Variants in ADAMTS19 observed in about 807,000 individuals in gnomAD.
ADAMTS19 encodes the protein ADAM metallopeptidase with thrombospondin type 1 motif 19, also known as A disintegrin and metalloproteinase with thrombospondin motifs 19.
ADAMTS19 carries 93 observed loss-of-function variants against 153.3 expected under a neutral mutation model. That is an observed-to-expected ratio of 0.61 (90% CI 0.51 to 0.72). The LOEUF is 0.72. Among genes scored for constraint, ADAMTS19 ranks in the 30% least tolerant of loss-of-function variants. ADAMTS19 has a pLI of 0.00. For missense variants in ADAMTS19, 1,482 were observed against 1,552.1 expected (o/e 0.95, Z 0.76); for synonymous variants, 600 against 556.6 (o/e 1.08, Z -1.10).
chr5:129,684,420 G>C (rs1561647892), intron 18 of ADAMTS19, 147 bp downstream of exon 18: 2 of 1,013,374 alleles, frequency 2.0e-6, no homozygotes, highest in Non-Finnish European at 1.4e-6. Context: ...GATATGTTTA[G>C]TGGCTAAACA....
chr5:129,701,510 G>T lies in ADAMTS19; in HGVS notation c.3077G>T (p.Cys1026Phe). Residue 1026 changes from cysteine to phenylalanine, a missense_variant, in exon 20 of 23, where the codon TGC becomes TTC. Physicochemically the swap from Cys to Phe is radical, Grantham distance 205 (BLOSUM62 -2). Around this residue, in one of 2 missense-constraint regions of ADAMTS19, gnomAD observed 616 missense variants for 724.4 expected, o/e 0.85. Transcript: ENST00000274487. ...GTLIRARERDCIGPKPASAQR... is the reference protein window; with the variant it reads ...GTLIRARERDFIGPKPASAQR... ...CTGATTAGAGCCCGAGAGAGGGACT[G>T]CATTGGGCCCAAGCCCGCCTCTGCC... is the stretch of plus-strand genomic sequence containing the variant. 2 of 1,614,194 alleles carry T rather than the reference G, an allele frequency of 1.2e-6. No individual in the cohort carries two copies. Among genetic ancestry groups the T allele is most frequent in the Non-Finnish European group, 1.7e-6 (2 of 1,180,028 alleles).
intron 16 of ADAMTS19, among the ~76,000 whole-genome samples, chr5:129,667,160 TCTC>T (rs1420832529): frequency 6.6e-6 from 1 of 152,086 alleles, no homozygotes; most frequent in African/African-American, 2.4e-5. Context: ...ACTGTTGACT[TCTC>T]CTCATTTCAT....
chr5:129,520,012 C>T (rs1751742300), intron 3 of ADAMTS19, among the ~76,000 whole-genome samples: 1 of 152,108 alleles, frequency 6.6e-6, no homozygotes, highest in African/African-American at 2.4e-5. Flanking sequence ...GGATCCCATC[C>T]AGATGCACTA....
chr5:129,598,063 T>A (rs912185395), intron 8 of ADAMTS19, among the ~76,000 whole-genome samples: 2 of 152,178 alleles, frequency 1.3e-5, no homozygotes, highest in Non-Finnish European at 2.9e-5. Flanking sequence ...GGAGGTGATC[T>A]TTATGGAGGG....
At chr5:129,594,490 G>A (rs1382613069) in intron 7 of ADAMTS19, among the ~76,000 whole-genome samples, 1 of 152,098 alleles carries the variant, frequency 6.6e-6, no homozygotes, top group Non-Finnish European at 1.5e-5. Flanking sequence ...ATTTTGGGGG[G>A]ACGTTTAATC....
At chr5:129,680,573 A>G in intron 17 of ADAMTS19, among the ~76,000 whole-genome samples, 1 of 152,052 alleles carries the variant, frequency 6.6e-6, no homozygotes, top group East Asian at 1.9e-4. Context: ...CCTGACCAAC[A>G]CGCTGAAACT....
chr5:129,518,500 A>G (rs1751687365), intron 3 of ADAMTS19, among the ~76,000 whole-genome samples: 2 of 152,024 alleles, frequency 1.3e-5, no homozygotes, highest in South Asian at 4.1e-4. Context: ...TTTTTACTTC[A>G]GCACAGTACA....
chr5:129,623,784 G>A (rs1183820737), intron 10 of ADAMTS19, among the ~76,000 whole-genome samples: 3 of 151,984 alleles, frequency 2.0e-5, no homozygotes, highest in Non-Finnish European at 2.9e-5. Flanking sequence ...GAATTAAAAT[G>A]AGTGAATGTA....
chr5:129,483,211 A>C (rs1189313092), intron 2 of ADAMTS19, among the ~76,000 whole-genome samples: 1 of 152,146 alleles, frequency 6.6e-6, no homozygotes, highest in African/African-American at 2.4e-5. Flanking sequence ...TTCCTATGTA[A>C]CTTCCTTTTT....
intron 10 of ADAMTS19, among the ~76,000 whole-genome samples, chr5:129,629,989 T>G (rs1189256764): frequency 1.3e-5 from 2 of 152,142 alleles, no homozygotes; most frequent in East Asian, 3.9e-4. Context: ...AGATCCTGTC[T>G]TTGTGAACTA....
chr5:129,623,470 G>A lies in ADAMTS19; in HGVS notation c.1770+1122G>A, dbSNP rs555409235. 5.3e-5 allele frequency among the ~76,000 whole-genome samples: 8 copies of A among 152,242 alleles called. No individual in the cohort carries two copies. The South Asian group carries it at 1.7e-3, about 32-fold the overall frequency. ...GCTGAAACATAGCCTATTTTACCCAGCCACAGTTTCTGTGAATGCCTCAAA... is the reference window on the plus strand; with the variant it reads ...GCTGAAACATAGCCTATTTTACCCAACCACAGTTTCTGTGAATGCCTCAAA... On this transcript the variant is annotated intron_variant, in intron 10 of 22. Transcript: ENST00000274487.
At chr5:129,498,869 A>G (rs1002167236) in intron 2 of ADAMTS19, among the ~76,000 whole-genome samples, 8 of 133,980 alleles carry the variant, frequency 6.0e-5, no homozygotes, top group African/African-American at 1.1e-4. Flanking sequence ...TCTTAAGTGT[A>G]TTTTTCTGAA....
chr5:129,569,347 C>A (rs1332606649), intron 7 of ADAMTS19, among the ~76,000 whole-genome samples: 1 of 151,998 alleles, frequency 6.6e-6, no homozygotes, highest in Non-Finnish European at 1.5e-5. Flanking sequence ...CAAAAACTGA[C>A]AAACTAACAG....
intron 8 of ADAMTS19, among the ~76,000 whole-genome samples, chr5:129,614,847 A>G (rs1751430324): frequency 6.6e-6 from 1 of 152,220 alleles, no homozygotes; most frequent in African/African-American, 2.4e-5. Context: ...GTCTCAGGAT[A>G]CAAAAGCAAT....
intron 10 of ADAMTS19, among the ~76,000 whole-genome samples, chr5:129,633,626 A>T (rs1325065964): frequency 6.6e-6 from 1 of 152,166 alleles, no homozygotes; most frequent in Non-Finnish European, 1.5e-5. Flanking sequence ...CAATTTACAG[A>T]AAGAGTTTGC....
chr5:129,654,047 C>T lies in ADAMTS19; in HGVS notation c.2177-259C>T, dbSNP rs543502821. 2.0e-5 allele frequency among the ~76,000 whole-genome samples: 3 copies of T among 152,186 alleles called. No individual in the cohort carries two copies. In the South Asian group the frequency reaches 6.2e-4, roughly 32 times the overall value. On this transcript the variant is annotated intron_variant, in intron 13 of 22. Coordinates refer to ENST00000274487, the MANE Select transcript of ADAMTS19 (RefSeq NM_133638.6). ...CTGGATTGTGTGTGCTAGATATGTT[C>T]TGCCATAAAATAACAAATGATACAT...
chr5:129,470,879 T>C (rs558682432), intron 2 of ADAMTS19, among the ~76,000 whole-genome samples: 43 of 152,210 alleles, frequency 2.8e-4, no homozygotes, highest in Non-Finnish European at 5.4e-4. Flanking sequence ...TGTTTTTTTT[T>C]CCTTGAGCAC....
At chr5:129,610,461 C>T (rs1205907477) in intron 8 of ADAMTS19, among the ~76,000 whole-genome samples, 6 of 151,984 alleles carry the variant, frequency 3.9e-5, no homozygotes, top group South Asian at 2.1e-4. Flanking sequence ...CACAATAGTC[C>T]CCAGTGTGTG....
chr5:129,631,167 T>G (rs1372356235), intron 10 of ADAMTS19, among the ~76,000 whole-genome samples: 2 of 148,344 alleles, frequency 1.3e-5, no homozygotes, highest in Admixed American at 6.7e-5. Flanking sequence ...TAGGTTTTTT[T>G]TTTTTTTTTT....
Sources: allele counts gnomAD v4.1 joint callset (sites outside exome capture counted in the v4.1 genomes callset), GRCh38; gene constraint gnomAD v4.1.1; regional missense constraint gnomAD v4.1.1; transcripts MANE v1.5; gene names NCBI Gene and HGNC (gene_info 2026-07-23, HGNC 2026-07-21).